PKNOX1: variants seen among roughly 807,000 people sequenced by gnomAD.
PKNOX1 encodes the protein homeobox protein PKNOX1.
Under a neutral mutation model 51.9 loss-of-function variants are expected in PKNOX1, and 15 were observed. The observed-to-expected ratio is 0.29, with a 90% CI of 0.19 to 0.45. The LOEUF (loss-of-function observed/expected upper bound fraction) is 0.45, where lower values mean the gene tolerates loss of function less well. Among genes scored for constraint, PKNOX1 ranks in the 20% least tolerant of loss-of-function variants. The pLI is 1.00. For synonymous variants in PKNOX1, 219 were observed against 211.1 expected, an observed-to-expected ratio of 1.04 and a Z score of -0.32; for missense variants, 462 against 547.5, an observed-to-expected ratio of 0.84 and a Z score of 1.56.
Position 42,985,113 on chromosome 21 carries a change from G to A in PKNOX1, c.-57+10449G>A, listed in dbSNP as rs553022911. Reference sequence around the variant, plus strand: ...AGCGATTCTCCTGCCTCAGCCTCCCGAGTAGCTGGGACTACAGGCATGCGC... The same window carrying A: ...AGCGATTCTCCTGCCTCAGCCTCCCAAGTAGCTGGGACTACAGGCATGCGC... On this transcript the variant is annotated intron_variant, in intron 1 of 10. Transcript: ENST00000291547. Among the ~76,000 whole-genome samples the A allele has an allele frequency of 1.8e-4, 26 of 145,472 alleles. 2 individuals are homozygous for A. In the South Asian group the frequency reaches 5.6e-3, roughly 31 times the overall value.
rs118140900 is a variant in PKNOX1 at position 42,978,037 on chromosome 21, A to G, written c.-57+3373A>G. Among the ~76,000 whole-genome samples the G allele has an allele frequency of 2.1e-3, 324 of 151,502 alleles. 1 individual carries two copies. The highest frequency in any genetic ancestry group is 0.014 in the Middle Eastern group (4 of 294). ...CTTTCCCTCCCTCCCTCTTTTTTTGAGACTATTGCCCAGGTTGGAGTGCAG... is the reference window on the plus strand; with the variant it reads ...CTTTCCCTCCCTCCCTCTTTTTTTGGGACTATTGCCCAGGTTGGAGTGCAG... On this transcript the variant is annotated intron_variant, in intron 1 of 10. Coordinates refer to ENST00000291547, the MANE Select transcript of PKNOX1 (RefSeq NM_004571.5).
rs1354218101 is a variant in PKNOX1 at position 43,033,814 on chromosome 21, G to A, written c.*3713G>A. 1 of 152,148 alleles carries A rather than the reference G, an allele frequency of 6.6e-6. No individual in the cohort carries two copies. Among genetic ancestry groups the A allele is most frequent in the Non-Finnish European group, 1.5e-5 (1 of 68,018 alleles). The allele number at this position is 152,148 out of a possible 1,614,324, so 9.4% of individuals were successfully genotyped here. ...TCATTGGCTGTTCAGGCAGAAAATG[G>A]AAACAGGTAGCTTTTATGTTTTTTA... is the stretch of plus-strand genomic sequence containing the variant. On this transcript the variant is annotated 3_prime_UTR_variant, in exon 11 of 11. Transcript: ENST00000291547.
intron 1 of PKNOX1, among the ~76,000 whole-genome samples, chr21:43,001,419 G>A (rs1384766298): frequency 6.6e-6 from 1 of 152,054 alleles, no homozygotes; most frequent in East Asian, 1.9e-4. Context: ...CTCTTCCTTG[G>A]CACTCAGCCT....
chr21:42,979,985 G>C (rs989223528), intron 1 of PKNOX1, among the ~76,000 whole-genome samples: 1 of 152,186 alleles, frequency 6.6e-6, no homozygotes, highest in South Asian at 2.1e-4. Context: ...GTGCCAGCAG[G>C]TTCTGTGGTA....
chr21:43,004,335 G>T lies in PKNOX1; in HGVS notation c.-47G>T, dbSNP rs780697871. ...TGGTTTTGTTCTCCAGACACCATTC[G>T]CTTTTCACCCAAGATGATTTGATGT... On this transcript the variant is annotated 5_prime_UTR_variant, in exon 2 of 11. Coordinates refer to ENST00000291547, the MANE Select transcript of PKNOX1 (RefSeq NM_004571.5). 4 of 1,296,346 alleles carry T rather than the reference G, an allele frequency of 3.1e-6. No homozygotes were observed. In the East Asian group the frequency reaches 9.2e-5, roughly 30 times the overall value. The allele number at this position is 1,296,346 out of a possible 1,614,324, so 80.3% of individuals were successfully genotyped here. A position where few individuals can be genotyped will look rare whatever the true frequency, so the allele number is the denominator to read the frequency against.
chr21:42,981,685 A>G (rs996038123), intron 1 of PKNOX1, among the ~76,000 whole-genome samples: 2 of 152,056 alleles, frequency 1.3e-5, no homozygotes, highest in Non-Finnish European at 2.9e-5. Flanking sequence ...ACAGCCCCCA[A>G]AGTAGCTGGG....
At chr21:43,029,008 C>A in intron 10 of PKNOX1, 134 bp downstream of exon 10, 1 of 827,456 alleles carries the variant, frequency 1.2e-6, no homozygotes, top group Non-Finnish European at 2.0e-6. Context: ...TCTTTCTCTG[C>A]AACTAAAACA....
chr21:43,012,902 G>A (rs1979316884), intron 4 of PKNOX1, among the ~76,000 whole-genome samples, 166 bp from the exon 5 acceptor site: 1 of 152,176 alleles, frequency 6.6e-6, no homozygotes, highest in African/African-American at 2.4e-5. Context: ...CCAGGTCAGT[G>A]GCACCGGAAC....
intron 1 of PKNOX1, among the ~76,000 whole-genome samples, chr21:42,996,458 G>A (rs2146250371): frequency 6.6e-6 from 1 of 152,268 alleles, no homozygotes; most frequent in Admixed American, 6.5e-5. Flanking sequence ...CCTGAGCAGT[G>A]CATTGGCGCC....
At chr21:42,981,176 G>A (rs1329306175) in intron 1 of PKNOX1, among the ~76,000 whole-genome samples, 2 of 152,328 alleles carry the variant, frequency 1.3e-5, no homozygotes, top group African/African-American at 4.8e-5. Flanking sequence ...AGGACATGTA[G>A]AGTGGACATA....
rs1408954283 is a variant in PKNOX1, at chr21:43,032,328, T to G, written c.*2227T>G. On this transcript the variant is annotated 3_prime_UTR_variant, in exon 11 of 11. Transcript: ENST00000291547. ...GCCCTTCCTCCTTCCCTCACCACCC[T>G]CCGTCTCTTCGGCTGCTTGCTCTTT... 1 of 408,132 alleles carries G rather than the reference T, an allele frequency of 2.5e-6. No individual in the cohort carries two copies. The highest frequency in any genetic ancestry group is 7.2e-5 in the East Asian group (1 of 13,936). 25.3% of individuals were successfully genotyped at this position (408,132 alleles called of 1,614,324 possible).
At chr21:43,024,724 G>T (rs555706274) in intron 8 of PKNOX1, 147 bp from the exon 9 acceptor site, 3 of 611,508 alleles carry the variant, frequency 4.9e-6, no homozygotes, top group East Asian at 5.6e-5. Context: ...CACTTTGTTC[G>T]TGAGACTACA....
chr21:43,006,130 T>C (rs1030528690), intron 2 of PKNOX1, among the ~76,000 whole-genome samples: 1 of 152,104 alleles, frequency 6.6e-6, no homozygotes, highest in Non-Finnish European at 1.5e-5. Flanking sequence ...TATTTACTTA[T>C]TTATTTATTT....
chr21:43,001,984 T>C lies in PKNOX1; in HGVS notation c.-56-2342T>C, dbSNP rs541664620. Among the ~76,000 whole-genome samples, 9 of 114,344 alleles carry C rather than the reference T, an allele frequency of 7.9e-5. No homozygotes were observed. The East Asian group carries it at 1.7e-3, about 22-fold the overall frequency. 75.0% of individuals were successfully genotyped at this position (114,344 alleles called of 152,430 possible). On this transcript the variant is annotated intron_variant, in intron 1 of 10. Coordinates refer to ENST00000291547, the MANE Select transcript of PKNOX1 (RefSeq NM_004571.5). ...TCAAATAAATAAATAAATAAATAAA[T>C]AAAAATAAAAATAAAGTTTTAGCCA...
At chr21:43,006,650 G>A (rs916297515) in intron 2 of PKNOX1, among the ~76,000 whole-genome samples, 2 of 152,218 alleles carry the variant, frequency 1.3e-5, no homozygotes, top group Non-Finnish European at 2.9e-5. Flanking sequence ...CTGTGCGGGT[G>A]GGCGTTCATG....
At chr21:42,991,748 A>C (rs1472192172) in intron 1 of PKNOX1, among the ~76,000 whole-genome samples, 5 of 150,846 alleles carry the variant, frequency 3.3e-5, no homozygotes, top group Non-Finnish European at 5.9e-5. Context: ...AAAAAAAAAC[A>C]AACCAAAAAA....
intron 5 of PKNOX1, among the ~76,000 whole-genome samples, chr21:43,015,645 A>G (rs2146279018): frequency 6.6e-6 from 1 of 152,200 alleles, no homozygotes; most frequent in East Asian, 1.9e-4. Context: ...GATTATGTAG[A>G]CTTGGTGTTA....
Position 43,016,969 on chromosome 21 carries a change from C to T in PKNOX1, c.584C>T (p.Ala195Val), listed in dbSNP as rs199944249. 1.0e-4 allele frequency: 161 copies of T among 1,612,822 alleles called. No individual in the cohort carries two copies. The highest frequency in any genetic ancestry group is 4.9e-4 in the Middle Eastern group (3 of 6,084). The change falls in exon 6 of 11, where the codon GCG becomes GTG. Residue 195 changes from alanine (A) to valine (V), a missense_variant. Physicochemically the swap from Ala to Val is moderately conservative, Grantham distance 64. Coordinates refer to ENST00000291547, the MANE Select transcript of PKNOX1 (RefSeq NM_004571.5). ...CAGGGAATTGTGGTGCCGGCGTCCG[C>T]GCTGCAGCAGGGAAACGTAGCCATG... Reference protein sequence around the residue: ...SPQGIVVPASALQQGNVAMAT... With the variant: ...SPQGIVVPASVLQQGNVAMAT...
intron 4 of PKNOX1, 68 bp from the exon 5 acceptor site, chr21:43,013,000 T>C: frequency 7.9e-7 from 1 of 1,269,394 alleles, no homozygotes; most frequent in African/African-American, 1.5e-5. Flanking sequence ...AGAACTGGTA[T>C]GTAGGATCAT....
Sources: allele counts gnomAD v4.1 joint callset (sites outside exome capture counted in the v4.1 genomes callset), GRCh38; gene constraint gnomAD v4.1.1; transcripts MANE v1.5; gene names NCBI Gene and HGNC (gene_info 2026-07-23, HGNC 2026-07-21).